VWCE: variants seen among roughly 807,000 people sequenced by gnomAD.
The protein encoded by VWCE is von Willebrand factor C and EGF domains.
A neutral mutation model predicts 102.9 loss-of-function variants in VWCE; 68 were observed. The observed-to-expected ratio is 0.66, with a 90% CI of 0.54 to 0.81. The LOEUF is 0.81. Ranked by LOEUF, VWCE falls within the 30% of genes least tolerant of loss-of-function variation. VWCE has a pLI of 0.00. For missense variants in VWCE, 1,137 were observed against 1,263.6 expected (o/e 0.90, Z 1.52); for synonymous variants, 497 against 515.4 (o/e 0.96, Z 0.48).
At chr11:61,266,376 T>C (rs1214099563) in intron 16 of VWCE, among the ~76,000 whole-genome samples, 1 of 151,936 alleles carries the variant, frequency 6.6e-6, no homozygotes, top group Non-Finnish European at 1.5e-5. Context: ...CCCATCTCTA[T>C]GAAAAGAATT....
chr11:61,290,278 G>A (rs892354813), intron 4 of VWCE, among the ~76,000 whole-genome samples: 3 of 152,170 alleles, frequency 2.0e-5, no homozygotes, highest in Admixed American at 1.3e-4. Flanking sequence ...TTGGGAGTCC[G>A]AGGTGGGTGG....
intron 19 of VWCE, 127 bp from the exon 20 acceptor site, chr11:61,259,439 A>C: frequency 1.7e-6 from 2 of 1,194,506 alleles, no homozygotes; most frequent in African/African-American, 1.5e-5. Flanking sequence ...CCTGGTGAGG[A>C]CCAGCCAGCT....
At chr11:61,264,000 C>T (rs1417055156) in intron 19 of VWCE, among the ~76,000 whole-genome samples, 3 of 151,572 alleles carry the variant, frequency 2.0e-5, no homozygotes, top group African/African-American at 4.9e-5. Flanking sequence ...CTGAGGCGGG[C>T]GGATCACGAG....
intron 19 of VWCE, among the ~76,000 whole-genome samples, chr11:61,260,373 A>C (rs931943081): frequency 6.6e-6 from 1 of 152,306 alleles, no homozygotes. Flanking sequence ...TCCTGGGCTC[A>C]AGCGATCCTC....
rs1251349157 is a variant in VWCE, at chr11:61,287,372, C to T, written c.425-942G>A. Among the ~76,000 whole-genome samples the T allele has an allele frequency of 2.0e-5, 3 of 152,224 alleles. No individual in the cohort carries two copies. In the East Asian group the frequency reaches 5.8e-4, roughly 29 times the overall value. On this transcript the variant is annotated intron_variant, in intron 4 of 19. Coordinates refer to ENST00000335613, the MANE Select transcript of VWCE (RefSeq NM_152718.2). The stretch of plus-strand genomic sequence containing the variant: ...ACGAGAGAAGACGGCTGAGACCAAA[C>T]GTTTCCAATGGCCCTGGCCCTCAGG...
intron 16 of VWCE, among the ~76,000 whole-genome samples, chr11:61,266,839 C>T (rs1353247255): frequency 6.6e-6 from 1 of 152,230 alleles, no homozygotes; most frequent in Non-Finnish European, 1.5e-5. Context: ...CCACATGGGT[C>T]TACTGAAAAG....
intron 6 of VWCE, chr11:61,282,505 T>A (rs958887518): frequency 9.0e-6 from 3 of 334,048 alleles, no homozygotes; most frequent in African/African-American, 6.4e-5. Flanking sequence ...GCCAAGAAAA[T>A]GGGTGAGCAG....
At chr11:61,264,614 A>G (rs1449398393) in intron 18 of VWCE, 37 bp from the exon 19 acceptor site, 1 of 1,574,806 alleles carries the variant, frequency 6.3e-7, no homozygotes, top group East Asian at 2.3e-5. Flanking sequence ...GGAAGCCCAG[A>G]GCATCTTGCC....
At chr11:61,289,887 G>A (rs199758359) in intron 4 of VWCE, among the ~76,000 whole-genome samples, 10 of 152,088 alleles carry the variant, frequency 6.6e-5, no homozygotes, top group East Asian at 3.9e-4. Context: ...TTACTTTTAC[G>A]AAGTTAAAAC....
In VWCE at chr11:61,281,900, G is replaced by C; in HGVS notation, c.673C>G (p.Arg225Gly). ...RHSCVDVNEC[R>G]RPLERRVCHH... ...CAGACTCGCCTCTCCAATGGCCTCC[G>C]ACACTCGTTTACATCTGCGGGAGAG... The change falls in exon 7 of 20, where the codon CGG (arginine) becomes GGG (glycine). Residue 225 changes from arginine to glycine, a missense_variant. By Grantham distance (125) the Arg-to-Gly change is moderately radical. This residue lies in a region of VWCE where 575 missense variants were observed against 625.9 expected (regional missense o/e 0.92). Transcript: ENST00000335613. 1.2e-6 allele frequency: 2 copies of C among 1,613,602 alleles called. No homozygotes were observed.
Position 61,267,483 on chromosome 11 carries a change from T to C in VWCE, c.1944A>G (p.Pro648=). The change falls in exon 16 of 20, where the codon CCA becomes CCG. Residue 648 remains proline, a synonymous_variant. Coordinates refer to ENST00000335613, the MANE Select transcript of VWCE (RefSeq NM_152718.2). ...NNETFPSVLD[P]CLSCICLLGS... is the part of the protein sequence containing the mutation. Reference sequence around the variant, plus strand: ...ATACCAGGCAGATGCAGCTCAGACATGGGTCCAGCACAGACGGGAAGGTCT... The same window carrying C: ...ATACCAGGCAGATGCAGCTCAGACACGGGTCCAGCACAGACGGGAAGGTCT... The C allele has an allele frequency of 6.2e-7, 1 of 1,614,018 alleles. No homozygotes were observed. The highest frequency in any genetic ancestry group is 8.5e-7 in the Non-Finnish European group (1 of 1,179,988).
rs1056645965 is a variant in VWCE, at chr11:61,291,959, C to T, written c.111-383G>A. Reference sequence around the variant, plus strand: ...TCTTATGGCTGGGTGTGGTGGCTCACGCCTGTAATCCCAGCACTTTGGGAA... The same window carrying T: ...TCTTATGGCTGGGTGTGGTGGCTCATGCCTGTAATCCCAGCACTTTGGGAA... On this transcript the variant is annotated intron_variant, in intron 1 of 19. Coordinates refer to ENST00000335613, the MANE Select transcript of VWCE (RefSeq NM_152718.2). 7.9e-5 allele frequency among the ~76,000 whole-genome samples: 12 copies of T among 152,194 alleles called. No individual in the cohort carries two copies. The South Asian group carries it at 1.2e-3, about 16-fold the overall frequency.
At chr11:61,276,497 C>A in intron 11 of VWCE, 96 bp downstream of exon 11, 1 of 915,434 alleles carries the variant, frequency 1.1e-6, no homozygotes, top group Non-Finnish European at 1.5e-6. Flanking sequence ...GCAGGAGGAC[C>A]ACCTGAGGCT....
rs139752491 is a variant in VWCE, at chr11:61,273,850, C to T, written c.1582-534G>A. On this transcript the variant is annotated intron_variant, in intron 12 of 19. Transcript: ENST00000335613. ...GCCCTGAGGTGCAAGAGCCTTGCTC[C>T]CCAGCACGGTCCACTGCCCAGAGCT... 3.4e-3 allele frequency: 525 copies of T among 156,550 alleles called. 1 individual carries two copies. Among genetic ancestry groups the T allele is most frequent in the Middle Eastern group, 0.013 (4 of 310 alleles). 9.7% of individuals were successfully genotyped at this position (156,550 alleles called of 1,614,324 possible). A position where few individuals can be genotyped will look rare whatever the true frequency, so the allele number is the denominator to read the frequency against.
rs189182786 is a variant in VWCE, at chr11:61,259,264, T to C, written c.2279A>G (p.Asn760Ser). Residue 760 changes from asparagine (N) to serine (S), a missense_variant, in exon 20 of 20, where the codon AAT (asparagine) becomes AGT (serine). By Grantham distance (46) the Asn-to-Ser change is conservative. This residue lies in a region of VWCE where 316 missense variants were observed against 319.3 expected (regional missense o/e 0.99). Transcript: ENST00000335613. ...EEKQGLSPHGNVAFSKAGRSL... is the reference protein window; with the variant it reads ...EEKQGLSPHGSVAFSKAGRSL... Reference sequence around the variant, plus strand: ...CCGACCAGCTTTGCTGAATGCCACATTTCCGTGAGGGGAGAGCCCCTGCTT... The same window carrying C: ...CCGACCAGCTTTGCTGAATGCCACACTTCCGTGAGGGGAGAGCCCCTGCTT... 5.6e-5 allele frequency: 90 copies of C among 1,607,878 alleles called. No individual in the cohort carries two copies. The highest frequency in any genetic ancestry group is 6.8e-5 in the Non-Finnish European group (80 of 1,175,864).
chr11:61,294,575 G>A lies in VWCE; in HGVS notation c.110+353C>T, dbSNP rs550781520. Reference sequence around the variant, plus strand: ...CAGGCGCTGCCCGGGCAGAGCCACGGGCACGCTGGGGGGTGAGCCAGCCAG... The same window carrying A: ...CAGGCGCTGCCCGGGCAGAGCCACGAGCACGCTGGGGGGTGAGCCAGCCAG... On this transcript the variant is annotated intron_variant, in intron 1 of 19. Coordinates refer to ENST00000335613, the MANE Select transcript of VWCE (RefSeq NM_152718.2). The surrounding 1 kb of genome is among the most constrained non-coding windows in gnomAD (Gnocchi z 6.3). Among the ~76,000 whole-genome samples the A allele has an allele frequency of 6.6e-6, 1 of 152,152 alleles. No individual in the cohort carries two copies. The highest frequency in any genetic ancestry group is 2.1e-4 in the South Asian group (1 of 4,838).
In VWCE at chr11:61,290,806, C is replaced by A. The variant is rs1855479693; in HGVS notation, c.417G>T (p.Arg139Ser). The change falls in exon 4 of 20, where the codon AGG (arginine) becomes AGT (serine). Residue 139 changes from arginine to serine, a missense_variant. Around this residue, in one of 5 missense-constraint regions of VWCE, gnomAD observed 575 missense variants for 625.9 expected, o/e 0.92. Transcript: ENST00000335613. ...CACTCCCAGGCGTCTCACCTGTACA[C>A]CTGATGCCAACAGCTGTCTCCGTCA... The part of the protein sequence containing the change: ...FSMTETAVGI[R>S]CTDIDECVTS... 1 of 1,612,208 alleles carries A rather than the reference C, an allele frequency of 6.2e-7. No individual in the cohort carries two copies. The highest frequency in any genetic ancestry group is 8.5e-7 in the Non-Finnish European group (1 of 1,179,370).
At position 61,276,797 on chromosome 11, in the gene VWCE, T is replaced by G. The variant is rs532051043; in HGVS notation, c.1408-117A>C. 81 of 588,012 alleles carry G rather than the reference T, an allele frequency of 1.4e-4. 1 individual carries two copies. The South Asian group carries it at 4.8e-3, about 35-fold the overall frequency. 36.4% of individuals were successfully genotyped at this position (588,012 alleles called of 1,614,324 possible). On this transcript the variant is annotated intron_variant, in intron 10 of 19. Transcript: ENST00000335613. Reference sequence around the variant, plus strand: ...GCCTAAAGGAGGCCACAAGAAACCTTTAAAGGCTGCACCCCAGCCTGGGCA... The same window carrying G: ...GCCTAAAGGAGGCCACAAGAAACCTGTAAAGGCTGCACCCCAGCCTGGGCA...
chr11:61,278,397 A>G lies in VWCE; in HGVS notation c.1404T>C (p.Cys468=). ...TTGAGGATCTTGTGACGCTTACCAG[A>G]CAGACACAGACGGTGCAGTTCTCAT... ...PPNENCTVCV[C]LAGNVSCISP... The change falls in exon 10 of 20, where the codon TGT becomes TGC. Residue 468 remains cysteine, a synonymous_variant. Coordinates refer to ENST00000335613, the MANE Select transcript of VWCE (RefSeq NM_152718.2). 2 of 1,614,172 alleles carry G rather than the reference A, an allele frequency of 1.2e-6. No homozygotes were observed. Among genetic ancestry groups the G allele is most frequent in the Non-Finnish European group, 1.7e-6 (2 of 1,180,022 alleles).
Sources: allele counts gnomAD v4.1 joint callset (sites outside exome capture counted in the v4.1 genomes callset), GRCh38; gene constraint gnomAD v4.1.1; regional missense constraint gnomAD v4.1.1; non-coding constraint Gnocchi (gnomAD v3.1); transcripts MANE v1.5; gene names NCBI Gene and HGNC (gene_info 2026-07-23, HGNC 2026-07-21).